The following UBASH3B variants were observed in gnomAD, a reference collection of about 807,000 sequenced individuals.
UBASH3B encodes the protein ubiquitin associated and SH3 domain containing B, also known as ubiquitin-associated and SH3 domain-containing protein B.
Under a neutral mutation model 83.4 loss-of-function variants are expected in UBASH3B, and 37 were observed. That is an observed-to-expected ratio of 0.44 (90% CI 0.34 to 0.58). The LOEUF is 0.58. UBASH3B is among the 20% of genes least tolerant of loss of function. The pLI, the probability that UBASH3B is intolerant of heterozygous loss-of-function variation, is 0.01. For missense variants in UBASH3B, 657 were observed against 827.2 expected, an observed-to-expected ratio of 0.79 and a Z score of 2.52; for synonymous variants, 304 against 318.3, an observed-to-expected ratio of 0.96 and a Z score of 0.48.
chr11:122,695,347 A>G (rs1365885426), intron 1 of UBASH3B, among the ~76,000 whole-genome samples: 1 of 152,186 alleles, frequency 6.6e-6, no homozygotes, highest in Non-Finnish European at 1.5e-5. Flanking sequence ...GATGCCTGGA[A>G]GGAGCTTGAA....
chr11:122,659,783 A>G (rs1331278095), intron 1 of UBASH3B, among the ~76,000 whole-genome samples: 2 of 152,196 alleles, frequency 1.3e-5, no homozygotes, highest in Non-Finnish European at 2.9e-5. Context: ...GACATTAGCC[A>G]GGGCTGACAG....
chr11:122,809,709 T>A (rs997738166), intron 13 of UBASH3B, 40 bp from the exon 14 acceptor site: 3 of 1,610,946 alleles, frequency 1.9e-6, no homozygotes, highest in Non-Finnish European at 1.7e-6. Flanking sequence ...GCATTAAACC[T>A]ATCTCCTAAT....
chr11:122,697,432 C>T (rs2135925255), intron 1 of UBASH3B, among the ~76,000 whole-genome samples: 1 of 152,258 alleles, frequency 6.6e-6, no homozygotes, highest in African/African-American at 2.4e-5. Flanking sequence ...AAAACTACGT[C>T]TCAAATAAAT....
chr11:122,803,408 A>G (rs1861288652), intron 11 of UBASH3B, among the ~76,000 whole-genome samples: 1 of 152,182 alleles, frequency 6.6e-6, no homozygotes, highest in African/African-American at 2.4e-5. Flanking sequence ...CTCTGCTGAA[A>G]GAGCCCTCTC....
intron 1 of UBASH3B, among the ~76,000 whole-genome samples, chr11:122,676,028 T>C (rs960498218): frequency 6.6e-6 from 1 of 152,232 alleles, no homozygotes; most frequent in Non-Finnish European, 1.5e-5. Flanking sequence ...GAAGTGACTG[T>C]GCCAATGCAC....
intron 1 of UBASH3B, 104 bp downstream of exon 1, chr11:122,656,314 GCTCCC>G: frequency 8.6e-7 from 1 of 1,160,214 alleles, no homozygotes; most frequent in Non-Finnish European, 1.1e-6. Flanking sequence ...CAGGCAGCGC[GCTCCC>G]CGCTGCCCGA....
intron 1 of UBASH3B, among the ~76,000 whole-genome samples, chr11:122,689,613 C>G (rs1863857874): frequency 6.6e-6 from 1 of 152,142 alleles, no homozygotes; most frequent in Admixed American, 6.5e-5. Flanking sequence ...CGGACACCAG[C>G]TAGTATCCTC....
chr11:122,672,222 G>A (rs553037887), intron 1 of UBASH3B, among the ~76,000 whole-genome samples: 62 of 151,978 alleles, frequency 4.1e-4, no homozygotes, highest in African/African-American at 1.4e-3. Context: ...ACAGACCCAA[G>A]CAGATGACTT....
intron 11 of UBASH3B, 51 bp downstream of exon 11, chr11:122,801,383 G>A: frequency 6.3e-7 from 1 of 1,597,080 alleles, no homozygotes; most frequent in Non-Finnish European, 8.5e-7. Flanking sequence ...AGTGCTTTCT[G>A]CACTAGCACT....
intron 1 of UBASH3B, among the ~76,000 whole-genome samples, chr11:122,723,814 T>G (rs1860683389): frequency 6.6e-6 from 1 of 152,172 alleles, no homozygotes; most frequent in South Asian, 2.1e-4. Flanking sequence ...CAAGTTTCAT[T>G]GTAATAGGAA....
chr11:122,738,835 C>T (rs577786062), intron 1 of UBASH3B, among the ~76,000 whole-genome samples: 30 of 150,052 alleles, frequency 2.0e-4, no homozygotes, highest in South Asian at 1.5e-3. Flanking sequence ...TGTGGTGAGC[C>T]GAGATCACAC....
chr11:122,800,395 A>C (rs1253865473), intron 10 of UBASH3B, among the ~76,000 whole-genome samples: 2 of 150,014 alleles, frequency 1.3e-5, no homozygotes, highest in East Asian at 2.0e-4. Context: ...AAAAAAAAAA[A>C]AAAAAAACAA....
rs1034447033 is a variant in UBASH3B, at chr11:122,796,789, G to A, written c.1235-122G>A. On this transcript the variant is annotated intron_variant, in intron 8 of 13. Coordinates refer to ENST00000284273, the MANE Select transcript of UBASH3B (RefSeq NM_032873.5). ...GCCTTGATATTTTCTATCAGCTCCA[G>A]AGAGCTCAGTGTGATCTCTTTGGCC... 8 of 1,309,014 alleles carry A rather than the reference G, an allele frequency of 6.1e-6. No homozygotes were observed. The African/African-American group carries it at 1.0e-4, about 17-fold the overall frequency. 81.1% of individuals were successfully genotyped at this position (1,309,014 alleles called of 1,614,324 possible). A position where few individuals can be genotyped will look rare whatever the true frequency, so the allele number is the denominator to read the frequency against.
chr11:122,765,014 G>GAAAAAAAAAAAAA, intron 1 of UBASH3B, among the ~76,000 whole-genome samples: 1 of 145,572 alleles, frequency 6.9e-6, no homozygotes, highest in Non-Finnish European at 1.5e-5. Flanking sequence ...CTGCTGCATA[G>GAAAAAAAAAAAAA]AAAAAAAAAA....
intron 1 of UBASH3B, among the ~76,000 whole-genome samples, chr11:122,735,345 T>C (rs909708458): frequency 3.2e-4 from 49 of 152,244 alleles, no homozygotes; most frequent in African/African-American, 1.1e-3. Context: ...GCTAGTGTAA[T>C]ATAACTCTTT....
At chr11:122,793,263 A>G (rs1033219357) in intron 6 of UBASH3B, among the ~76,000 whole-genome samples, 1 of 152,126 alleles carries the variant, frequency 6.6e-6, no homozygotes, top group African/African-American at 2.4e-5. Context: ...CACGCCTGTA[A>G]TCCCAGCTAC....
intron 1 of UBASH3B, among the ~76,000 whole-genome samples, chr11:122,664,482 A>T (rs1243318706): frequency 6.6e-6 from 1 of 152,044 alleles, no homozygotes; most frequent in African/African-American, 2.4e-5. Flanking sequence ...TCATGGATGG[A>T]TTCTCCCAGG....
At position 122,785,538 on chromosome 11, in the gene UBASH3B, A is replaced by T. The variant is rs1328231111; in HGVS notation, c.771+2316A>T. Reference sequence around the variant, plus strand: ...CACTCGATTTGGACACGCGAATCCCATTTGTATTTCACATGGGCTCTTCCG... The same window carrying T: ...CACTCGATTTGGACACGCGAATCCCTTTTGTATTTCACATGGGCTCTTCCG... On this transcript the variant is annotated intron_variant, in intron 5 of 13. Transcript: ENST00000284273. Among the ~76,000 whole-genome samples the T allele has an allele frequency of 2.6e-5, 4 of 152,180 alleles. No homozygotes were observed. In the East Asian group the frequency reaches 7.7e-4, roughly 29 times the overall value.
At chr11:122,763,877 C>T (rs1354713818) in intron 1 of UBASH3B, among the ~76,000 whole-genome samples, 1 of 152,200 alleles carries the variant, frequency 6.6e-6, no homozygotes, top group Non-Finnish European at 1.5e-5. Flanking sequence ...GGGGAGAAGG[C>T]TAGGGGAGAG....
Sources: gnomAD v4.1 joint callset for allele counts (sites outside exome capture counted in the v4.1 genomes callset) on GRCh38, gnomAD v4.1.1 for gene constraint, MANE v1.5 for transcripts, NCBI Gene and HGNC (gene_info 2026-07-23, HGNC 2026-07-21) for gene names.